Variants in PXDNL observed in about 807,000 individuals in gnomAD.
The protein encoded by PXDNL is probable oxidoreductase PXDNL.
Under a neutral mutation model 150.8 loss-of-function variants are expected in PXDNL, and 145 were observed. That is an observed-to-expected ratio of 0.96 (90% CI 0.84 to 1.10). PXDNL has a LOEUF of 1.10. Among genes scored for constraint, PXDNL ranks in the 50% least tolerant of loss-of-function variants. PXDNL has a pLI of 0.00. For synonymous variants in PXDNL, 757 were observed against 725.7 expected, an observed-to-expected ratio of 1.04 and a Z score of -0.69; for missense variants, 2,087 against 1,873.9, an observed-to-expected ratio of 1.11 and a Z score of -2.10.
chr8:51,634,756 A>C (rs1318038779), intron 2 of PXDNL, among the ~76,000 whole-genome samples: 2 of 145,770 alleles, frequency 1.4e-5, no homozygotes, highest in African/African-American at 4.9e-5. Context: ...ATGGGATTGC[A>C]CTCTTGATAT....
intron 1 of PXDNL, among the ~76,000 whole-genome samples, chr8:51,766,384 C>T (rs2037232037): frequency 6.6e-6 from 1 of 152,166 alleles, no homozygotes; most frequent in Non-Finnish European, 1.5e-5. Flanking sequence ...AAACAAGTTA[C>T]TAGCAAAAAT....
chr8:51,799,251 G>A (rs1206538378), intron 1 of PXDNL, among the ~76,000 whole-genome samples: 1 of 152,164 alleles, frequency 6.6e-6, no homozygotes, highest in African/African-American at 2.4e-5. Flanking sequence ...AGGGCAGGGA[G>A]GGAGAGCATC....
intron 21 of PXDNL, among the ~76,000 whole-genome samples, chr8:51,330,765 TC>T (rs1186571538): frequency 1.3e-5 from 2 of 152,160 alleles, no homozygotes; most frequent in Non-Finnish European, 2.9e-5. Context: ...TGCAAAATAA[TC>T]AATTCACCCC....
chr8:51,732,414 G>A (rs577713536), intron 1 of PXDNL, among the ~76,000 whole-genome samples: 4 of 152,196 alleles, frequency 2.6e-5, no homozygotes, highest in African/African-American at 4.8e-5. Context: ...CAGCATTTTG[G>A]TCAAAGCCAT....
chr8:51,320,031 C>A lies in PXDNL; in HGVS notation c.4261-9G>T, dbSNP rs754763587. Reference sequence around the variant, plus strand: ...CAGGTGACCTGGCCACTCTGAAAGGCAGCATGCACATATCACCTCCATGTT... The same window carrying A: ...CAGGTGACCTGGCCACTCTGAAAGGAAGCATGCACATATCACCTCCATGTT... On this transcript the variant is annotated splice_polypyrimidine_tract_variant and intron_variant, in intron 22 of 22. Transcript: ENST00000356297. 1.4e-6 allele frequency: 2 copies of A among 1,464,142 alleles called. No individual in the cohort carries two copies. Among genetic ancestry groups the A allele is most frequent in the Non-Finnish European group, 1.8e-6 (2 of 1,104,624 alleles). The allele number at this position is 1,464,142 out of a possible 1,614,324, so 90.7% of individuals were successfully genotyped here. A position where few individuals can be genotyped will look rare whatever the true frequency, so the allele number is the denominator to read the frequency against.
chr8:51,740,156 C>T (rs4873590), intron 1 of PXDNL, among the ~76,000 whole-genome samples: 146,020 of 152,308 alleles, frequency 0.96, 70,300 homozygotes, highest in East Asian at 1. Flanking sequence ...CAATTCCTAT[C>T]AAAATTTAAC....
intron 2 of PXDNL, among the ~76,000 whole-genome samples, chr8:51,621,397 T>C (rs1228655582): frequency 6.6e-6 from 1 of 152,100 alleles, no homozygotes; most frequent in African/African-American, 2.4e-5. Flanking sequence ...TTGATAAAAC[T>C]ATTATGCATT....
At chr8:51,676,826 A>G (rs1040602917) in intron 1 of PXDNL, among the ~76,000 whole-genome samples, 1 of 152,242 alleles carries the variant, frequency 6.6e-6, no homozygotes, top group Non-Finnish European at 1.5e-5. Context: ...CCAAGTAATA[A>G]GCATTCTTTG....
At chr8:51,667,655 T>C (rs16916698) in intron 1 of PXDNL, among the ~76,000 whole-genome samples, 4,940 of 152,222 alleles carry the variant, frequency 0.032, 281 homozygotes, top group African/African-American at 0.11. Context: ...TAGAACTAGA[T>C]AGCAACCCAG....
At chr8:51,630,334 G>C (rs1563488726) in intron 2 of PXDNL, among the ~76,000 whole-genome samples, 1 of 152,034 alleles carries the variant, frequency 6.6e-6, no homozygotes, top group African/African-American at 2.4e-5. Context: ...TAAAAACCTT[G>C]TAAGATAACC....
chr8:51,336,613 G>A (rs1805836572), intron 21 of PXDNL, among the ~76,000 whole-genome samples: 1 of 152,170 alleles, frequency 6.6e-6, no homozygotes, highest in African/African-American at 2.4e-5. Context: ...AGTCACCCAG[G>A]AAATCTGCAG....
rs1807129675 is a variant in PXDNL at position 51,371,970 on chromosome 8, C to G, written c.3804G>C (p.Gln1268His). 4.3e-6 allele frequency: 7 copies of G among 1,613,842 alleles called. No homozygotes were observed. Among genetic ancestry groups the G allele is most frequent in the Admixed American group, 1.7e-5 (1 of 60,008 alleles). The change falls in exon 19 of 23, where the codon CAG becomes CAC. Residue 1268 changes from glutamine (Q) to histidine (H), a missense_variant. Gln to His is a conservative substitution (Grantham distance 24, BLOSUM62 0). Transcript: ENST00000356297. ...ATTCTGCCTTTACAAAGACATCAGCCTGCACTTGCTGAATGCTGTCACCAT... is the reference window on the plus strand; with the variant it reads ...ATTCTGCCTTTACAAAGACATCAGCGTGCACTTGCTGAATGCTGTCACCAT... ...CDNGDSIQQV[Q>H]ADVFVKAEYP... is the part of the protein sequence containing the mutation.
At chr8:51,599,902 G>A (rs1281362859) in intron 2 of PXDNL, among the ~76,000 whole-genome samples, 28 of 10,172 alleles carry the variant, frequency 2.8e-3, no homozygotes, top group African/African-American at 0.011. Context: ...AAATGACATC[G>A]TTTAGATAAT....
intron 2 of PXDNL, among the ~76,000 whole-genome samples, chr8:51,608,651 C>A (rs1250531645): frequency 3.4e-5 from 5 of 148,916 alleles, no homozygotes; most frequent in African/African-American, 5.1e-5. Context: ...TCCTGGCTAA[C>A]ACGGTGAAAC....
chr8:51,646,717 GGGAAA>G (rs1028294155), intron 2 of PXDNL, among the ~76,000 whole-genome samples: 16 of 152,126 alleles, frequency 1.1e-4, no homozygotes, highest in African/African-American at 3.9e-4. Flanking sequence ...GCAAGAGAGA[GGGAAA>G]GAGGTGTCAG....
At chr8:51,424,066 C>T (rs1809026120) in intron 13 of PXDNL, among the ~76,000 whole-genome samples, 1 of 152,108 alleles carries the variant, frequency 6.6e-6, no homozygotes, top group Non-Finnish European at 1.5e-5. Flanking sequence ...AAAGATAATT[C>T]TGACAACTAC....
intron 17 of PXDNL, among the ~76,000 whole-genome samples, chr8:51,404,228 T>G (rs1456161574): frequency 1.3e-5 from 2 of 152,200 alleles, no homozygotes; most frequent in Non-Finnish European, 2.9e-5. Context: ...TTCCACACTG[T>G]CGAAAGAGAC....
chr8:51,777,108 C>T (rs1223484375), intron 1 of PXDNL, among the ~76,000 whole-genome samples: 2 of 152,142 alleles, frequency 1.3e-5, no homozygotes, highest in African/African-American at 4.8e-5. Flanking sequence ...GTCTTACAGC[C>T]ACATGCCCAT....
At chr8:51,458,209 T>C (rs1399701246) in intron 8 of PXDNL, among the ~76,000 whole-genome samples, 1 of 152,202 alleles carries the variant, frequency 6.6e-6, no homozygotes, top group Non-Finnish European at 1.5e-5. Context: ...GGCCCCCTTC[T>C]CTGAGGTGCA....
Sources: gnomAD v4.1 joint callset for allele counts (sites outside exome capture counted in the v4.1 genomes callset) on GRCh38, gnomAD v4.1.1 for gene constraint, MANE v1.5 for transcripts, NCBI Gene and HGNC (gene_info 2026-07-23, HGNC 2026-07-21) for gene names.